The following FN1 variants were observed in gnomAD, a reference collection of about 807,000 sequenced individuals.
FN1 encodes fibronectin.
Under a neutral mutation model 297.3 loss-of-function variants are expected in FN1, and 106 were observed. The observed-to-expected ratio is 0.36, with a 90% CI of 0.30 to 0.42. The LOEUF is 0.42. Among genes scored for constraint, FN1 ranks in the 10% least tolerant of loss-of-function variants. FN1 has a pLI of 1.00. For synonymous variants in FN1, 1,149 were observed against 1,152.6 expected (o/e 1.00, Z 0.06); for missense variants, 2,690 against 3,124.9 (o/e 0.86, Z 3.32).
chr2:215,388,121 T>G, intron 27 of FN1, 91 bp downstream of exon 27: 1 of 933,946 alleles, frequency 1.1e-6, no homozygotes, highest in Non-Finnish European at 1.7e-6. Flanking sequence ...CAACAAAAAA[T>G]GGAGATGTAT....
At chr2:215,384,520 A>G in intron 29 of FN1, 1 of 392,354 alleles carries the variant, frequency 2.5e-6, no homozygotes, top group Non-Finnish European at 4.6e-6. Context: ...AACAGAATAC[A>G]TTCCTTTTAA....
In FN1 at chr2:215,409,624, G is replaced by A. The variant is rs770137243; in HGVS notation, c.2238C>T (p.Thr746=). The stretch of plus-strand genomic sequence containing the variant: ...CATATTCCACCCGGAATCCCGACAC[G>A]GTGTCGGAAGCTGAGACCCAGGAGA... The part of the protein sequence containing the change: ...FVVSWVSASD[T]VSGFRVEYEL... Residue 746 remains threonine (T), a synonymous_variant, in exon 15 of 46, where the codon ACC becomes ACT. Transcript: ENST00000354785. 1.4e-5 allele frequency: 23 copies of A among 1,613,840 alleles called. No homozygotes were observed. The highest frequency in any genetic ancestry group is 1.2e-4 in the South Asian group (11 of 91,064).
Position 215,425,232 on chromosome 2 carries a change from G to A in FN1, c.898C>T (p.Pro300Ser). The A allele has an allele frequency of 6.2e-7, 1 of 1,614,144 alleles. No homozygotes were observed. The highest frequency in any genetic ancestry group is 8.5e-7 in the Non-Finnish European group (1 of 1,180,032). Residue 300 changes from proline (P) to serine (S), a missense_variant, in exon 7 of 46, where the codon CCC (proline) becomes TCC (serine). By Grantham distance (74) the Pro-to-Ser change is moderately conservative (BLOSUM62 -1). Coordinates refer to ENST00000354785, the MANE Select transcript of FN1 (RefSeq NM_212482.4). Reference protein sequence around the residue: ...RAAVYQPQPHPQPPPYGHCVT... With the variant: ...RAAVYQPQPHSQPPPYGHCVT... ...CAGTGGCCATAGGGAGGAGGCTGGG[G>A]GTGAGGCTGCGGTTGGTAAACAGCT...
chr2:215,432,665 C>G (rs1009767850), intron 3 of FN1, among the ~76,000 whole-genome samples: 2 of 152,178 alleles, frequency 1.3e-5, no homozygotes, highest in Admixed American at 1.3e-4. Flanking sequence ...AACTTAAATA[C>G]TATCTTAATA....
chr2:215,407,499 G>A (rs112198634), intron 17 of FN1, among the ~76,000 whole-genome samples, 178 bp from the exon 18 acceptor site: 2 of 152,122 alleles, frequency 1.3e-5, no homozygotes, highest in Non-Finnish European at 2.9e-5. Context: ...TATTCAGCAC[G>A]AAGATAAAAT....
At chr2:215,417,732 G>C (rs1227389657) in intron 12 of FN1, among the ~76,000 whole-genome samples, 1 of 152,152 alleles carries the variant, frequency 6.6e-6, no homozygotes, top group African/African-American at 2.4e-5. Flanking sequence ...GTGGGATCTT[G>C]CTGTTCTCCT....
At position 215,361,645 on chromosome 2, in the gene FN1, G is replaced by GA. The variant is rs752005289; in HGVS notation, c.7363-20dup. The GA allele has an allele frequency of 3.8e-4, 607 of 1,576,786 alleles. No individual in the cohort carries two copies. The highest frequency in any genetic ancestry group is 4.8e-4 in the Non-Finnish European group (553 of 1,149,552). ...TAACATTCTGTTAAAAAGGAAGAAG[G>GA]AAAAAAAAATTAGTGGCAAATACTG... is the stretch of plus-strand genomic sequence containing the variant. On this transcript the variant is annotated intron_variant, in intron 45 of 45. Coordinates refer to ENST00000354785, the MANE Select transcript of FN1 (RefSeq NM_212482.4).
chr2:215,423,959 A>G (rs2064895214), intron 8 of FN1, among the ~76,000 whole-genome samples, 187 bp downstream of exon 8: 1 of 152,234 alleles, frequency 6.6e-6, no homozygotes, highest in Non-Finnish European at 1.5e-5. Context: ...GTCATTTCCC[A>G]ACAGTACTGG....
intron 20 of FN1, among the ~76,000 whole-genome samples, chr2:215,404,104 C>T (rs188117760): frequency 1.2e-4 from 19 of 152,316 alleles, no homozygotes; most frequent in Admixed American, 1.2e-3. Context: ...CAAATTAACA[C>T]ACTGCTTCCT....
intron 20 of FN1, among the ~76,000 whole-genome samples, chr2:215,400,203 A>C (rs1014678943): frequency 7.9e-5 from 12 of 152,088 alleles, no homozygotes; most frequent in African/African-American, 2.4e-4. Flanking sequence ...AAGAAAAAAA[A>C]AAAGCTTTAC....
chr2:215,428,409 G>C (rs1290653565), intron 5 of FN1, 71 bp from the exon 6 acceptor site: 4 of 1,375,524 alleles, frequency 2.9e-6, no homozygotes, highest in Non-Finnish European at 4.1e-6. Flanking sequence ...ACTTAAAAAA[G>C]GAATGCTATC....
At chr2:215,375,511 G>A (rs925006522) in intron 37 of FN1, 118 bp from the exon 38 acceptor site, 22 of 1,270,432 alleles carry the variant, frequency 1.7e-5, no homozygotes, top group Non-Finnish European at 2.4e-5. Context: ...CTGTAAACCG[G>A]AAACAAGATT....
chr2:215,408,457 A>C (rs1462698090), intron 15 of FN1, 31 bp from the exon 16 acceptor site: 1 of 1,610,566 alleles, frequency 6.2e-7, no homozygotes, highest in East Asian at 2.2e-5. Context: ...GTAACTAATC[A>C]GAGCAAACTA....
chr2:215,433,555 C>T, intron 2 of FN1, 94 bp from the exon 3 acceptor site: 1 of 1,210,570 alleles, frequency 8.3e-7, no homozygotes, highest in Non-Finnish European at 1.2e-6. Context: ...CTTCTCTATT[C>T]CACAAGTAAC....
rs917976746 is a variant in FN1, at chr2:215,364,881, G to C, written c.7249C>G (p.Arg2417Gly). ...ICSCTCFGGQ[R>G]GWRCDNCRRP... ...GAGCCTGGCACATCCAGTCTTACCC[G>C]CTGGCCTCCAAAGCATGTGCAGGAG... The change falls in exon 44 of 46, where the codon CGG (arginine) becomes GGG (glycine). Residue 2417 changes from arginine (R) to glycine (G), a missense_variant and splice_region_variant. By Grantham distance (125) the Arg-to-Gly change is moderately radical (BLOSUM62 -2). Transcript: ENST00000354785. 6.4e-7 allele frequency: 1 copy of C among 1,552,054 alleles called. No individual in the cohort carries two copies. Among genetic ancestry groups the C allele is most frequent in the South Asian group, 1.2e-5 (1 of 84,432 alleles).
intron 24 of FN1, among the ~76,000 whole-genome samples, chr2:215,394,231 GT>G (rs2060042776): frequency 6.6e-6 from 1 of 152,168 alleles, no homozygotes; most frequent in Non-Finnish European, 1.5e-5. Flanking sequence ...ACGTGACAGT[GT>G]TTTAGTCATA....
chr2:215,388,410 A>G (rs1360796208), intron 26 of FN1, 109 bp from the exon 27 acceptor site: 8 of 802,432 alleles, frequency 1.0e-5, no homozygotes, highest in Non-Finnish European at 1.7e-5. Context: ...CCAGTCCTAT[A>G]GCCTACTTAC....
At chr2:215,409,527 G>T (rs1320895175) in intron 15 of FN1, 36 bp downstream of exon 15, 2 of 1,603,804 alleles carry the variant, frequency 1.2e-6, no homozygotes. Flanking sequence ...TCCAGCAGCT[G>T]CCCTGAACCT....
intron 40 of FN1, 183 bp from the exon 41 acceptor site, chr2:215,370,615 A>AAG (rs1426913804): frequency 9.9e-6 from 6 of 608,112 alleles, no homozygotes; most frequent in Non-Finnish European, 1.7e-5. Context: ...GAAATGGAAC[A>AAG]AGGATAGGGG....
Sources: allele counts gnomAD v4.1 joint callset (sites outside exome capture counted in the v4.1 genomes callset), GRCh38; gene constraint gnomAD v4.1.1; transcripts MANE v1.5; gene names NCBI Gene and HGNC (gene_info 2026-07-23, HGNC 2026-07-21).